The following BABAM2 variants were observed in gnomAD, a reference collection of about 807,000 sequenced individuals.
The protein encoded by BABAM2 is BRISC and BRCA1-A complex member 2.
In BABAM2, 31 loss-of-function variants were observed where a neutral mutation model predicts 54.7. The observed-to-expected ratio is 0.57, with a 90% CI of 0.43 to 0.77. The LOEUF (loss-of-function observed/expected upper bound fraction) is 0.77, where lower values mean the gene tolerates loss of function less well. BABAM2 is among the 30% of genes least tolerant of loss of function. The pLI is 0.00. For missense variants in BABAM2, 364 were observed against 455.8 expected, an observed-to-expected ratio of 0.80 and a Z score of 1.83; for synonymous variants, 167 against 162.9, an observed-to-expected ratio of 1.03 and a Z score of -0.19.
intron 7 of BABAM2, among the ~76,000 whole-genome samples, chr2:28,221,963 A>G (rs1361921175): frequency 6.6e-6 from 1 of 152,212 alleles, no homozygotes; most frequent in Non-Finnish European, 1.5e-5. Flanking sequence ...TAATGAAATG[A>G]GGAAACATCC....
chr2:27,930,583 T>G (rs1668022656), intron 3 of BABAM2, among the ~76,000 whole-genome samples: 1 of 152,232 alleles, frequency 6.6e-6, no homozygotes, highest in Admixed American at 6.5e-5. Flanking sequence ...GTTTTAGATG[T>G]TGCTACTTTT....
intron 6 of BABAM2, among the ~76,000 whole-genome samples, chr2:28,108,390 T>G (rs1277720846): frequency 2.0e-5 from 3 of 152,228 alleles, no homozygotes; most frequent in South Asian, 2.1e-4. Flanking sequence ...ACTTTCATCA[T>G]CATTTATGCA....
At chr2:28,112,125 CTTTCTTTCTTTCTTTCTTTCTTTA>C (rs1668098694) in intron 6 of BABAM2, among the ~76,000 whole-genome samples, 3 of 14,262 alleles carry the variant, frequency 2.1e-4, no homozygotes, top group African/African-American at 6.3e-4. Flanking sequence ...TTCTTTCTTT[CTTTCTTTCTTTCTTTCTTTCTTTA>C]CCTCCCTCCC....
At chr2:28,320,316 A>C (rs1237848380) in intron 11 of BABAM2, among the ~76,000 whole-genome samples, 1 of 152,236 alleles carries the variant, frequency 6.6e-6, no homozygotes, top group Non-Finnish European at 1.5e-5. Flanking sequence ...TGAGACCCAA[A>C]TGTGCAGAGC....
chr2:28,290,443 C>G (rs1195456679), intron 10 of BABAM2, among the ~76,000 whole-genome samples: 1 of 152,150 alleles, frequency 6.6e-6, no homozygotes, highest in African/African-American at 2.4e-5. Context: ...TCCCAATGTT[C>G]CACAGCCTGA....
intron 6 of BABAM2, among the ~76,000 whole-genome samples, chr2:28,075,567 TGTGTGTGTGTGC>T (rs1664584435): frequency 6.6e-6 from 1 of 152,156 alleles, no homozygotes; most frequent in Non-Finnish European, 1.5e-5. Flanking sequence ...CATGTGTGTG[TGTGTGTGTGTGC>T]GTGTGTGTGT....
intron 6 of BABAM2, among the ~76,000 whole-genome samples, chr2:28,069,311 C>G (rs1663907913): frequency 6.6e-6 from 1 of 152,182 alleles, no homozygotes; most frequent in African/African-American, 2.4e-5. Flanking sequence ...TTCATTTTCA[C>G]TTTCATTCAA....
Position 28,338,525 on chromosome 2 carries a change from C to T in BABAM2, c.*12C>T. On this transcript the variant is annotated 3_prime_UTR_variant, in exon 12 of 12. Transcript: ENST00000379624. ...ATGGAAAGCTCTAGGAAACACCAGT[C>T]TTGAGAGGTGGCCAGCCAGACTGCC... 6.2e-7 allele frequency: 1 copy of T among 1,613,886 alleles called. No homozygotes were observed. The highest frequency in any genetic ancestry group is 1.1e-5 in the South Asian group (1 of 91,048).
intron 7 of BABAM2, among the ~76,000 whole-genome samples, chr2:28,132,499 G>T (rs1160487873): frequency 6.6e-6 from 1 of 151,966 alleles, no homozygotes; most frequent in Non-Finnish European, 1.5e-5. Context: ...TTTTTCGGTT[G>T]CTTCCCCTCA....
chr2:28,269,993 A>G (rs1685289183), intron 10 of BABAM2, among the ~76,000 whole-genome samples: 1 of 152,054 alleles, frequency 6.6e-6, no homozygotes, highest in South Asian at 2.1e-4. Flanking sequence ...CCTGTGTTCT[A>G]TTTCCTTTAC....
At position 28,094,222 on chromosome 2, in the gene BABAM2, A is replaced by G. The variant is rs1321680167; in HGVS notation, c.571-35049A>G. On this transcript the variant is annotated intron_variant, in intron 6 of 11. Transcript: ENST00000379624. ...GATTGTGTTTAAATTCATTATTAAC[A>G]TCTGTAATGAGGATGATTTATGGTC... 5.9e-5 allele frequency among the ~76,000 whole-genome samples: 9 copies of G among 152,334 alleles called. No individual in the cohort carries two copies. In the East Asian group the frequency reaches 9.6e-4, roughly 16 times the overall value.
intron 7 of BABAM2, among the ~76,000 whole-genome samples, chr2:28,203,619 T>C (rs1476330034): frequency 1.3e-5 from 2 of 152,240 alleles, no homozygotes; most frequent in South Asian, 2.1e-4. Flanking sequence ...CTTAAAAATA[T>C]AGTAGGTTGT....
At chr2:28,234,366 T>C (rs1681708622) in intron 7 of BABAM2, among the ~76,000 whole-genome samples, 2 of 152,138 alleles carry the variant, frequency 1.3e-5, no homozygotes, top group African/African-American at 4.8e-5. Context: ...TTTGGATCTC[T>C]TCACACCTCT....
intron 5 of BABAM2, among the ~76,000 whole-genome samples, chr2:28,030,258 T>C (rs1676196574): frequency 6.6e-6 from 1 of 152,236 alleles, no homozygotes; most frequent in Non-Finnish European, 1.5e-5. Flanking sequence ...GTATTTATAG[T>C]ATTTTTTAAA....
intron 11 of BABAM2, 28 bp from the exon 12 acceptor site, chr2:28,338,421 AT>A (rs753855558): frequency 8.1e-6 from 13 of 1,599,770 alleles, no homozygotes; most frequent in South Asian, 2.2e-5. Flanking sequence ...GCTAACCACA[AT>A]TTTTTTTCTC....
intron 6 of BABAM2, among the ~76,000 whole-genome samples, chr2:28,095,797 A>T (rs2148700054): frequency 6.6e-6 from 1 of 152,306 alleles, no homozygotes; most frequent in East Asian, 1.9e-4. Context: ...CTGAGGTTTT[A>T]AGTAGTATAA....
chr2:28,111,221 TCCA>T (rs1404281444), intron 6 of BABAM2, among the ~76,000 whole-genome samples: 1 of 150,868 alleles, frequency 6.6e-6, no homozygotes, highest in Non-Finnish European at 1.5e-5. Context: ...GACCTTGCAA[TCCA>T]CCCACCTTGG....
chr2:27,981,390 A>G (rs1054692691), intron 3 of BABAM2, among the ~76,000 whole-genome samples: 2 of 152,180 alleles, frequency 1.3e-5, no homozygotes, highest in African/African-American at 4.8e-5. Flanking sequence ...TTACCCTCTA[A>G]AGTATACAAT....
upstream of BABAM2, chr2:27,890,439 G>A (rs920913783): frequency 2.3e-6 from 3 of 1,281,992 alleles, no homozygotes; most frequent in Admixed American, 2.1e-5. The surrounding 1 kb of genome is among the most constrained non-coding windows in gnomAD (Gnocchi z 4.8). Context: ...CCCTAACGAC[G>A]CGGGCCTTTC....
Sources: allele counts gnomAD v4.1 joint callset (sites outside exome capture counted in the v4.1 genomes callset), GRCh38; gene constraint gnomAD v4.1.1; non-coding constraint Gnocchi (gnomAD v3.1); transcripts MANE v1.5; gene names NCBI Gene and HGNC (gene_info 2026-07-23, HGNC 2026-07-21).